Variants in DCLK1 observed in about 807,000 individuals in gnomAD.
DCLK1 encodes the protein serine/threonine-protein kinase DCLK1.
DCLK1 carries 16 observed loss-of-function variants against 86.2 expected under a neutral mutation model. That is an observed-to-expected ratio of 0.19 (90% CI 0.13 to 0.28). The LOEUF (loss-of-function observed/expected upper bound fraction) is 0.28. Ranked by LOEUF, DCLK1 falls within the 10% of genes least tolerant of loss-of-function variation. DCLK1 has a pLI of 1.00. For synonymous variants in DCLK1, 369 were observed against 370.5 expected (o/e 1.00, Z 0.05); for missense variants, 590 against 940.2 (o/e 0.63, Z 4.87).
chr13:35,951,374 T>G (rs1877677585), intron 3 of DCLK1, among the ~76,000 whole-genome samples: 1 of 151,080 alleles, frequency 6.6e-6, no homozygotes, highest in Non-Finnish European at 1.5e-5. Flanking sequence ...ATGTTTCAAT[T>G]TATCTGCTTT....
chr13:35,835,696 C>A (rs1032325951), intron 8 of DCLK1, among the ~76,000 whole-genome samples: 1 of 152,178 alleles, frequency 6.6e-6, no homozygotes, highest in African/African-American at 2.4e-5. Context: ...CAAGAACTTT[C>A]TGACCTCTAC....
intron 4 of DCLK1, among the ~76,000 whole-genome samples, chr13:35,918,220 C>A (rs911479751): frequency 9.9e-5 from 15 of 152,152 alleles, no homozygotes; most frequent in African/African-American, 3.4e-4. Flanking sequence ...AATAAATGTA[C>A]TCTTCCCACC....
chr13:36,114,705 G>T (rs1220861089), intron 2 of DCLK1, among the ~76,000 whole-genome samples: 2 of 152,158 alleles, frequency 1.3e-5, no homozygotes, highest in Non-Finnish European at 2.9e-5. Context: ...TGCCACAAGA[G>T]ATGTGGTTCC....
At chr13:36,064,678 AAGTC>A (rs1208895690) in intron 3 of DCLK1, among the ~76,000 whole-genome samples, 2 of 151,568 alleles carry the variant, frequency 1.3e-5, no homozygotes, top group Non-Finnish European at 2.9e-5. Flanking sequence ...AAAAGAAAGA[AAGTC>A]AGGGGAAAAG....
chr13:35,946,663 A>C (rs527724375), intron 4 of DCLK1, among the ~76,000 whole-genome samples: 1 of 152,360 alleles, frequency 6.6e-6, no homozygotes, highest in South Asian at 2.1e-4. Context: ...ACATTATCAA[A>C]GAAGGGCTAC....
chr13:36,124,645 G>A (rs763131851), intron 2 of DCLK1, among the ~76,000 whole-genome samples: 2 of 152,192 alleles, frequency 1.3e-5, no homozygotes, highest in African/African-American at 4.8e-5. Context: ...CCTGCTACCT[G>A]CACAAGAGAG....
At chr13:36,039,397 T>C (rs1384262219) in intron 3 of DCLK1, among the ~76,000 whole-genome samples, 5 of 152,220 alleles carry the variant, frequency 3.3e-5, no homozygotes, top group African/African-American at 1.2e-4. Flanking sequence ...AATGTTTCAC[T>C]CTTCCAAAAG....
At chr13:35,982,312 C>T (rs766213633) in intron 3 of DCLK1, among the ~76,000 whole-genome samples, 1 of 151,458 alleles carries the variant, frequency 6.6e-6, no homozygotes, top group African/African-American at 2.4e-5. Flanking sequence ...CCCAGGAGTT[C>T]GTGGCTGCAC....
rs1438635473 is a variant in DCLK1, at chr13:35,821,248, G to A, written c.1554+1481C>T. Among the ~76,000 whole-genome samples the A allele has an allele frequency of 4.6e-5, 7 of 152,170 alleles. 1 individual carries two copies. The South Asian group carries it at 6.2e-4, about 14-fold the overall frequency. On this transcript the variant is annotated intron_variant, in intron 11 of 16. Coordinates refer to ENST00000360631, the MANE Select transcript of DCLK1 (RefSeq NM_001330071.2). ...GAAACGAGATAATGACTGTAAAGAC[G>A]TTAGCACAGGGCCAAGTACATAGAT...
chr13:36,007,237 C>T (rs528309568), intron 3 of DCLK1, among the ~76,000 whole-genome samples: 1 of 152,268 alleles, frequency 6.6e-6, no homozygotes, highest in East Asian at 1.9e-4. Flanking sequence ...CACCTGAAAT[C>T]ATGAAAATCA....
chr13:35,866,944 G>A (rs1871838530), intron 5 of DCLK1, among the ~76,000 whole-genome samples: 1 of 152,186 alleles, frequency 6.6e-6, no homozygotes, highest in African/African-American at 2.4e-5. Context: ...GAGCAGTGGA[G>A]GGGCCCTGAG....
At chr13:36,118,379 C>T (rs1361647755) in intron 2 of DCLK1, among the ~76,000 whole-genome samples, 1 of 152,068 alleles carries the variant, frequency 6.6e-6, no homozygotes, top group Admixed American at 6.5e-5. Flanking sequence ...CCAGAATTGG[C>T]AATTGACTGG....
chr13:35,826,564 A>AAGGAAGGAAGGG lies in DCLK1; in HGVS notation c.1407+1070_1407+1071insCCCTTCCTTCCT, dbSNP rs1555342400. 6.3e-4 allele frequency among the ~76,000 whole-genome samples: 29 copies of AAGGAAGGAAGGG among 46,056 alleles called. 4 individuals are homozygous for AAGGAAGGAAGGG. The highest frequency in any genetic ancestry group is 7.8e-4 in the Non-Finnish European group (14 of 18,062). 30.2% of individuals were successfully genotyped at this position (46,056 alleles called of 152,430 possible). A position where few individuals can be genotyped will look rare whatever the true frequency, so the allele number is the denominator to read the frequency against. On this transcript the variant is annotated intron_variant, in intron 10 of 16. Transcript: ENST00000360631. Reference sequence around the variant, plus strand: ...AAAAGAAAGAAAGAAAGAAAGAAACAAGTCCTAATTTGAAGTAGACTAAAA... The same window carrying AAGGAAGGAAGGG: ...AAAAGAAAGAAAGAAAGAAAGAAACAAGGAAGGAAGGGAGTCCTAATTTGAAGTAGACTAAAA...
intron 3 of DCLK1, among the ~76,000 whole-genome samples, chr13:36,061,958 A>T (rs1883563568): frequency 1.3e-5 from 2 of 152,154 alleles, no homozygotes; most frequent in Admixed American, 6.5e-5. Context: ...CCCATTTTTC[A>T]GACTTTTCAT....
chr13:35,830,331 C>G (rs1868852556), intron 8 of DCLK1, among the ~76,000 whole-genome samples: 1 of 152,088 alleles, frequency 6.6e-6, no homozygotes, highest in African/African-American at 2.4e-5. Flanking sequence ...GTAAAGGCTG[C>G]AGTGAGCCGA....
intron 4 of DCLK1, among the ~76,000 whole-genome samples, chr13:35,908,450 T>G (rs1321557383): frequency 6.6e-6 from 1 of 152,244 alleles, no homozygotes; most frequent in Non-Finnish European, 1.5e-5. Context: ...TAGAGGCTCC[T>G]CCAGCCTTTC....
At chr13:35,847,652 A>T (rs1465606112) in intron 6 of DCLK1, 1 of 950,732 alleles carries the variant, frequency 1.1e-6, no homozygotes, top group Non-Finnish European at 1.3e-6. Flanking sequence ...AGAAAGAAAG[A>T]AAGAAAAAGA....
chr13:36,074,502 AAAAAAAAAAAAAAAACAG>A lies in DCLK1; in HGVS notation c.723+37349_723+37366del, dbSNP rs1823354928. Among the ~76,000 whole-genome samples, 7 of 85,670 alleles carry A rather than the reference AAAAAAAAAAAAAAAACAG, an allele frequency of 8.2e-5. 1 individual carries two copies. The highest frequency in any genetic ancestry group is 1.5e-3 in the South Asian group (2 of 1,334). The allele number at this position is 85,670 out of a possible 152,430, so 56.2% of individuals were successfully genotyped here. A position where few individuals can be genotyped will look rare whatever the true frequency, so the allele number is the denominator to read the frequency against. On this transcript the variant is annotated intron_variant, in intron 3 of 16. Coordinates refer to ENST00000360631, the MANE Select transcript of DCLK1 (RefSeq NM_001330071.2). ...AAAAAAAAAAAAAAAAAAAAAAAAA[AAAAAAAAAAAAAAAACAG>A]AGAAGACAATACAGTTTATTTGGGA...
intron 11 of DCLK1, among the ~76,000 whole-genome samples, chr13:35,814,258 C>G (rs2087218582): frequency 6.6e-6 from 1 of 152,214 alleles, no homozygotes; most frequent in South Asian, 2.1e-4. Context: ...TTAAAGCCTG[C>G]ACGCGCGCAC....
Sources: gnomAD v4.1 joint callset for allele counts (sites outside exome capture counted in the v4.1 genomes callset) on GRCh38, gnomAD v4.1.1 for gene constraint, MANE v1.5 for transcripts, NCBI Gene and HGNC (gene_info 2026-07-23, HGNC 2026-07-21) for gene names.